The following POR variants were observed in gnomAD, a reference collection of about 807,000 sequenced individuals.
The protein encoded by POR is cytochrome p450 oxidoreductase.
POR carries 56 observed loss-of-function variants against 84.0 expected under a neutral mutation model. That is an observed-to-expected ratio of 0.67 (90% CI 0.54 to 0.83). The LOEUF is 0.83. Ranked by LOEUF, POR falls within the 40% of genes least tolerant of loss-of-function variation. The pLI is 0.00. For synonymous variants in POR, 414 were observed against 400.5 expected, an observed-to-expected ratio of 1.03 and a Z score of -0.40; for missense variants, 938 against 944.3, an observed-to-expected ratio of 0.99 and a Z score of 0.09.
chr7:75,943,501 A>AT (rs1787040213), intron 1 of POR, among the ~76,000 whole-genome samples: 1 of 152,176 alleles, frequency 6.6e-6, no homozygotes, highest in Non-Finnish European at 1.5e-5. Flanking sequence ...CCCTTGTTCG[A>AT]TCACATATAA....
At chr7:75,960,962 G>A (rs767740536) in intron 2 of POR, among the ~76,000 whole-genome samples, 45 of 152,154 alleles carry the variant, frequency 3.0e-4, no homozygotes, top group Non-Finnish European at 4.6e-4. Flanking sequence ...GCCCAGCGTG[G>A]TGGCTGACAC....
chr7:75,980,312 G>T (rs915414415), intron 4 of POR, 27 bp from the exon 5 acceptor site: 11 of 1,604,600 alleles, frequency 6.9e-6, no homozygotes, highest in Non-Finnish European at 8.5e-6. Context: ...TCATGGCCGG[G>T]GCGCGGTCCT....
chr7:75,918,434 A>G (rs1202407149), intron 1 of POR, among the ~76,000 whole-genome samples: 3 of 152,202 alleles, frequency 2.0e-5, no homozygotes, highest in Admixed American at 6.6e-5. Context: ...ACCTGCTTGC[A>G]TAGGCCGCTG....
chr7:75,955,230 T>G (rs1215490718), intron 2 of POR, among the ~76,000 whole-genome samples: 1 of 152,212 alleles, frequency 6.6e-6, no homozygotes, highest in Non-Finnish European at 1.5e-5. Flanking sequence ...CAGGCCTTAT[T>G]TTGTTGCTCT....
rs1227610162 is a variant in POR at position 75,962,303 on chromosome 7, C to CT, written c.188+8131dup. Among the ~76,000 whole-genome samples the CT allele has an allele frequency of 1.5e-4, 23 of 151,704 alleles. No individual in the cohort carries two copies. The East Asian group carries it at 2.1e-3, about 14-fold the overall frequency. ...ATACAGTAAAATGCCCCCCTCCTCC[C>CT]TTTTTTTTGAGACAGGGTCTTGCTC... On this transcript the variant is annotated intron_variant, in intron 2 of 15. Transcript: ENST00000461988.
In POR at chr7:75,953,125, C is replaced by T. The variant is rs535082913; in HGVS notation, c.-4-864C>T. ...CGCGGTTAGGAGCTGGAGACCAGCC[C>T]GGCCAACACAGCGAAACCCCGTTTC... On this transcript the variant is annotated intron_variant, in intron 1 of 15. Coordinates refer to ENST00000461988, the MANE Select transcript of POR (RefSeq NM_000941.3). Among the ~76,000 whole-genome samples the T allele has an allele frequency of 8.5e-5, 13 of 152,190 alleles. 1 individual carries two copies. The highest frequency in any genetic ancestry group is 1.7e-4 in the African/African-American group (7 of 41,524).
chr7:75,948,041 A>G (rs1787257134), intron 1 of POR, among the ~76,000 whole-genome samples: 1 of 152,134 alleles, frequency 6.6e-6, no homozygotes, highest in South Asian at 2.1e-4. Flanking sequence ...CCAGACACAG[A>G]GGTGCCTGAG....
At chr7:75,947,719 T>C (rs1314544866) in intron 1 of POR, among the ~76,000 whole-genome samples, 1 of 152,182 alleles carries the variant, frequency 6.6e-6, no homozygotes, top group Non-Finnish European at 1.5e-5. Context: ...CCCTGGATTC[T>C]GCGCCAAGGA....
chr7:75,976,567 GAAACCCTGTCTCTACTAA>G (rs1788702307), intron 3 of POR, among the ~76,000 whole-genome samples: 1 of 151,830 alleles, frequency 6.6e-6, no homozygotes, highest in African/African-American at 2.4e-5. Context: ...CCAACATGGT[GAAACCCTGTCTCTACTAA>G]AAACACAAAA....
chr7:75,920,439 C>T (rs530193696), intron 1 of POR, among the ~76,000 whole-genome samples: 1 of 152,212 alleles, frequency 6.6e-6, no homozygotes, highest in South Asian at 2.1e-4. Flanking sequence ...CTTTTGTCTA[C>T]TTGGATGTAG....
intron 1 of POR, among the ~76,000 whole-genome samples, chr7:75,949,104 T>A (rs542848416): frequency 9.9e-5 from 15 of 152,146 alleles, no homozygotes; most frequent in Admixed American, 2.0e-4. Context: ...CCGGATCGTA[T>A]GGGCCTTATG....
intron 3 of POR, chr7:75,972,779 G>A (rs911407784): frequency 2.4e-6 from 1 of 422,984 alleles, no homozygotes; most frequent in Non-Finnish European, 4.4e-6. Context: ...ATCTCACAGA[G>A]CTGCGGTCGT....
At chr7:75,930,624 G>A (rs1807366330) in intron 1 of POR, among the ~76,000 whole-genome samples, 1 of 152,186 alleles carries the variant, frequency 6.6e-6, no homozygotes, top group African/African-American at 2.4e-5. Flanking sequence ...CCGGGTTCAA[G>A]TGATTCTCCT....
intron 1 of POR, among the ~76,000 whole-genome samples, chr7:75,919,251 G>A (rs1008822004): frequency 1.3e-5 from 2 of 152,116 alleles, no homozygotes; most frequent in Non-Finnish European, 2.9e-5. Context: ...AATTTTTACT[G>A]TGTCTAAATT....
intron 1 of POR, among the ~76,000 whole-genome samples, chr7:75,929,527 A>G (rs1807308469): frequency 6.6e-6 from 1 of 152,146 alleles, no homozygotes; most frequent in African/African-American, 2.4e-5. Context: ...GTGCTGGGAT[A>G]ACAGGTGTGA....
chr7:75,966,119 CAAAAT>C (rs1383906983), intron 2 of POR, among the ~76,000 whole-genome samples: 2 of 152,152 alleles, frequency 1.3e-5, no homozygotes, highest in Admixed American at 6.5e-5. Flanking sequence ...GAGGATTAAA[CAAAAT>C]AAAATAGAAA....
intron 1 of POR, among the ~76,000 whole-genome samples, chr7:75,942,633 T>TAG (rs1275696853): frequency 2.6e-5 from 4 of 151,906 alleles, no homozygotes; most frequent in African/African-American, 7.3e-5. Context: ...CTGCTAGGGC[T>TAG]AGAACTAGCA....
At chr7:75,927,289 T>G (rs1449579994) in intron 1 of POR, among the ~76,000 whole-genome samples, 2 of 152,090 alleles carry the variant, frequency 1.3e-5, no homozygotes, top group Non-Finnish European at 2.9e-5. Context: ...GCTAATGGCT[T>G]GAGCCCAGGA....
At chr7:75,945,465 C>A (rs781968439) in intron 1 of POR, 1 of 152,220 alleles carries the variant, frequency 6.6e-6, no homozygotes, top group Non-Finnish European at 1.5e-5. Flanking sequence ...GCTATTGTGG[C>A]TGTGGAGCGA....
Sources: allele counts gnomAD v4.1 joint callset (sites outside exome capture counted in the v4.1 genomes callset), GRCh38; gene constraint gnomAD v4.1.1; transcripts MANE v1.5; gene names NCBI Gene and HGNC (gene_info 2026-07-23, HGNC 2026-07-21).